KIF1A: variants seen among roughly 807,000 people sequenced by gnomAD.
The protein encoded by KIF1A is kinesin-like protein KIF1A.
A neutral mutation model predicts 227.3 loss-of-function variants in KIF1A; 46 were observed. The ratio of observed to expected loss-of-function variants is 0.20; its 90% CI spans 0.16 to 0.26. KIF1A has a LOEUF of 0.26. Ranked by LOEUF, KIF1A falls within the 10% of genes least tolerant of loss-of-function variation. The pLI is 1.00. For missense variants in KIF1A, 1,683 were observed against 2,485.9 expected (o/e 0.68, Z 6.87); for synonymous variants, 1,022 against 1,012.8 (o/e 1.01, Z -0.17).
At chr2:240,741,405 G>A in intron 34 of KIF1A, 28 bp from the exon 35 acceptor site, 4 of 1,483,020 alleles carry the variant, frequency 2.7e-6, no homozygotes, top group Non-Finnish European at 3.6e-6. Flanking sequence ...AGGCATGCAT[G>A]GATGGGAGAC....
At chr2:240,816,531 A>C (rs2058338741) in intron 1 of KIF1A, among the ~76,000 whole-genome samples, 1 of 152,086 alleles carries the variant, frequency 6.6e-6, no homozygotes, top group Non-Finnish European at 1.5e-5. Flanking sequence ...CCTATACCCC[A>C]AGGCGTCCTG....
chr2:240,771,111 A>G lies in KIF1A; in HGVS notation c.1208-7T>C, dbSNP rs1420595908. The G allele has an allele frequency of 3.1e-6, 5 of 1,613,352 alleles. No individual in the cohort carries two copies. Among genetic ancestry groups the G allele is most frequent in the Admixed American group, 1.7e-5 (1 of 59,958 alleles). On this transcript the variant is annotated splice_polypyrimidine_tract_variant and splice_region_variant and intron_variant, in intron 14 of 48. Coordinates refer to ENST00000498729, the MANE Select transcript of KIF1A (RefSeq NM_001244008.2). ...CCCACCAGGGCATTGGTCACTGTGG[A>G]GAGAGGGTCAGGGGCTTCATTCACC...
rs2051580780 is a variant in KIF1A at position 240,769,049 on chromosome 2, G to A, written c.1497+84C>T. 3.3e-6 allele frequency: 4 copies of A among 1,220,984 alleles called. No individual in the cohort carries two copies. The Admixed American group carries it at 5.9e-5, about 18-fold the overall frequency. The allele number at this position is 1,220,984 out of a possible 1,614,324, so 75.6% of individuals were successfully genotyped here. A position where few individuals can be genotyped will look rare whatever the true frequency, so the allele number is the denominator to read the frequency against. ...CCACCGTGCTCCCCTACTTCCAGGA[G>A]CCCCCTCTGGCTCTACCTGAGACAG... On this transcript the variant is annotated intron_variant, in intron 17 of 48. Transcript: ENST00000498729.
At chr2:240,745,649 G>C (rs1425141374) in intron 31 of KIF1A, 89 bp downstream of exon 31, 3 of 1,524,392 alleles carry the variant, frequency 2.0e-6, no homozygotes, top group Non-Finnish European at 2.7e-6. Context: ...GCACCAACAT[G>C]GCCTGCTCCC....
At chr2:240,733,762 G>T (rs1374312346) in intron 38 of KIF1A, among the ~76,000 whole-genome samples, 1 of 152,238 alleles carries the variant, frequency 6.6e-6, no homozygotes, top group Non-Finnish European at 1.5e-5. Flanking sequence ...AGGGCTTAAA[G>T]GCCCATCATT....
chr2:240,791,556 C>T (rs1019377656), intron 2 of KIF1A, among the ~76,000 whole-genome samples: 2 of 150,798 alleles, frequency 1.3e-5, no homozygotes, highest in Admixed American at 1.3e-4. Context: ...GCACTCAGGT[C>T]GGGCTCCCCG....
intron 45 of KIF1A, 184 bp from the exon 46 acceptor site, chr2:240,720,110 C>T (rs189618632): frequency 4.5e-5 from 23 of 509,568 alleles, no homozygotes; most frequent in Middle Eastern, 1.1e-3. Context: ...AAGCTTGTGC[C>T]CGATTCCAGG....
chr2:240,809,863 G>A (rs1244633854), intron 1 of KIF1A, among the ~76,000 whole-genome samples: 6 of 143,996 alleles, frequency 4.2e-5, no homozygotes, highest in Admixed American at 2.8e-4. Flanking sequence ...TTGTGCACAT[G>A]TACCCTAGAA....
Position 240,760,890 on chromosome 2 carries a change from G to T in KIF1A, c.2266-47C>A, listed in dbSNP as rs58415613. The T allele has an allele frequency of 0.052, 79,938 of 1,544,690 alleles. 2,180 individuals are homozygous for T. Among genetic ancestry groups the T allele is most frequent in the African/African-American group, 0.068 (4,888 of 72,054 alleles). ...ACTCGTCAGCTCCTTGGGGGACAGG[G>T]TGCCAGGTCCCCAAAAAGGCTTCCT... On this transcript the variant is annotated intron_variant, in intron 24 of 48. Coordinates refer to ENST00000498729, the MANE Select transcript of KIF1A (RefSeq NM_001244008.2).
intron 8 of KIF1A, 28 bp downstream of exon 8, chr2:240,783,711 G>A: frequency 6.5e-7 from 1 of 1,539,366 alleles, no homozygotes; most frequent in Non-Finnish European, 8.8e-7. Flanking sequence ...TGTGGACACG[G>A]GTCCCCGCAT....
chr2:240,743,006 G>A (rs2048172313), intron 33 of KIF1A, 22 bp from the exon 34 acceptor site: 13 of 1,593,830 alleles, frequency 8.2e-6, no homozygotes, highest in Non-Finnish European at 1.1e-5. Context: ...GGACCAGTGT[G>A]AGGTGTTTGC....
chr2:240,797,534 G>T, intron 2 of KIF1A, 113 bp downstream of exon 2: 1 of 714,546 alleles, frequency 1.4e-6, no homozygotes, highest in South Asian at 1.6e-5. Context: ...CATAGACAAG[G>T]AGGTGCTCTT....
rs891489077 is a variant in KIF1A at position 240,735,423 on chromosome 2, T to C, written c.4007+1640A>G. ...CTCCTACGTCACCCATGGCAGCTGG[T>C]CTTCTGAGGAAGACCTCAGAAACTC... On this transcript the variant is annotated intron_variant, in intron 38 of 48. Coordinates refer to ENST00000498729, the MANE Select transcript of KIF1A (RefSeq NM_001244008.2). Among the ~76,000 whole-genome samples, 129 of 143,422 alleles carry C rather than the reference T, an allele frequency of 9.0e-4. 1 individual carries two copies. The highest frequency in any genetic ancestry group is 3.5e-3 in the Middle Eastern group (1 of 288). The allele number at this position is 143,422 out of a possible 152,430, so 94.1% of individuals were successfully genotyped here.
At chr2:240,746,221 CGAG>C in intron 29 of KIF1A, 44 bp from the exon 30 acceptor site, 1 of 1,545,120 alleles carries the variant, frequency 6.5e-7, no homozygotes, top group South Asian at 1.2e-5. Flanking sequence ...AGGAGCCAGC[CGAG>C]GAGGGGCACC....
rs1159485401 is a variant in KIF1A, at chr2:240,775,561, G to C, written c.958+290C>G. ...CCAGAGAAGGATGAGTACTTGGCCT[G>C]GGTGTCACAGCCCACCTGACCCAGG... On this transcript the variant is annotated intron_variant, in intron 11 of 48. Coordinates refer to ENST00000498729, the MANE Select transcript of KIF1A (RefSeq NM_001244008.2). This position sits in a 1 kb window ranked among gnomAD's most constrained non-coding sequence, Gnocchi z 5.5. Among the ~76,000 whole-genome samples the C allele has an allele frequency of 6.6e-6, 1 of 152,196 alleles. No homozygotes were observed. Among genetic ancestry groups the C allele is most frequent in the Non-Finnish European group, 1.5e-5 (1 of 68,032 alleles).
chr2:240,750,283 G>C (rs1360555718), intron 28 of KIF1A, 146 bp downstream of exon 28: 1 of 630,658 alleles, frequency 1.6e-6, no homozygotes, highest in Non-Finnish European at 2.8e-6. Context: ...TGACCCCAGG[G>C]AGAGTGGAGG....
Position 240,746,009 on chromosome 2 carries a change from C to T in KIF1A, c.3202+30G>A, listed in dbSNP as rs765922258. On this transcript the variant is annotated intron_variant, in intron 30 of 48. Transcript: ENST00000498729. ...AGGAACCAGGTCTCAGCATCCCCTA[C>T]GCCCTGGGCAGCTGGGGTGGGCGAC... The T allele has an allele frequency of 4.8e-5, 77 of 1,605,822 alleles. No individual in the cohort carries two copies. The Middle Eastern group carries it at 5.0e-4, about 10-fold the overall frequency.
intron 38 of KIF1A, among the ~76,000 whole-genome samples, chr2:240,733,654 G>A (rs905751846): frequency 3.3e-5 from 5 of 152,242 alleles, no homozygotes; most frequent in Admixed American, 2.6e-4. Flanking sequence ...CTGACCCATC[G>A]CAACACGACC....
At chr2:240,750,872 G>A (rs540570635) in intron 27 of KIF1A, among the ~76,000 whole-genome samples, 5 of 152,268 alleles carry the variant, frequency 3.3e-5, no homozygotes, top group East Asian at 1.9e-4. Flanking sequence ...CAAGGAGGAC[G>A]GGGGCCAGAC....
Sources: gnomAD v4.1 joint callset for allele counts (sites outside exome capture counted in the v4.1 genomes callset) on GRCh38, gnomAD v4.1.1 for gene constraint, Gnocchi (gnomAD v3.1) non-coding constraint, MANE v1.5 for transcripts, NCBI Gene and HGNC (gene_info 2026-07-23, HGNC 2026-07-21) for gene names.